The following TSPAN15 variants were observed in gnomAD, a reference collection of about 807,000 sequenced individuals.
The protein encoded by TSPAN15 is tetraspanin 15, also known as tetraspanin-15.
A neutral mutation model predicts 34.5 loss-of-function variants in TSPAN15; 20 were observed. The ratio of observed to expected loss-of-function variants is 0.58; its 90% CI spans 0.41 to 0.84. TSPAN15 has a LOEUF of 0.84. Among genes scored for constraint, TSPAN15 ranks in the 40% least tolerant of loss-of-function variants. TSPAN15 has a pLI of 0.00. For synonymous variants in TSPAN15, 155 were observed against 153.9 expected, an observed-to-expected ratio of 1.01 and a Z score of -0.05; for missense variants, 313 against 386.1, an observed-to-expected ratio of 0.81 and a Z score of 1.59.
chr10:69,476,178 C>T (rs1040527296), intron 1 of TSPAN15, among the ~76,000 whole-genome samples: 2 of 151,756 alleles, frequency 1.3e-5, no homozygotes, highest in African/African-American at 4.8e-5. Flanking sequence ...CTGAAGAAGA[C>T]AGGAAGAAGA....
At chr10:69,545,721 C>T in the TSPAN15 span, among the ~76,000 whole-genome samples, 13 of 152,126 alleles carry the variant, frequency 8.5e-5, no homozygotes, top group African/African-American at 1.9e-4. Flanking sequence ...CTTTGGGAGG[C>T]GGAGGCAGGC....
chr10:69,467,453 A>T (rs111348876), intron 1 of TSPAN15, among the ~76,000 whole-genome samples: 21 of 152,278 alleles, frequency 1.4e-4, no homozygotes, highest in African/African-American at 5.1e-4. Context: ...TGTAGTAAAC[A>T]AACCTCTTCC....
intron 1 of TSPAN15, among the ~76,000 whole-genome samples, chr10:69,457,719 G>A (rs182672475): frequency 5.1e-4 from 77 of 152,298 alleles, no homozygotes; most frequent in Admixed American, 2.5e-3. Flanking sequence ...GGTTGCCTGG[G>A]TTCAAATCCC....
chr10:69,498,193 C>T (rs765232652), intron 4 of TSPAN15, 87 bp from the exon 5 acceptor site: 6 of 1,206,106 alleles, frequency 5.0e-6, no homozygotes, highest in Non-Finnish European at 7.4e-6. Flanking sequence ...AATAAACTGC[C>T]TCCGTCTCCT....
At position 69,472,762 on chromosome 10, in the gene TSPAN15, G is replaced by A. The variant is rs556556883; in HGVS notation, c.97-10929G>A. ...CCTGCCGGGTCCCAGGAGCTTTTGC[G>A]TGGCATCTGGCTTCAGGATATTGTG... On this transcript the variant is annotated intron_variant, in intron 1 of 7. Transcript: ENST00000373290. Among the ~76,000 whole-genome samples the A allele has an allele frequency of 8.1e-4, 123 of 152,348 alleles. 2 individuals are homozygous for A. The highest frequency in any genetic ancestry group is 3.4e-3 in the Middle Eastern group (1 of 292).
the TSPAN15 span, among the ~76,000 whole-genome samples, chr10:69,531,831 A>C: frequency 2.6e-5 from 4 of 152,136 alleles, no homozygotes; most frequent in African/African-American, 9.7e-5. Flanking sequence ...AAACTCAGCA[A>C]AACTGGCATA....
At chr10:69,459,231 CTGGT>C (rs1303151155) in intron 1 of TSPAN15, among the ~76,000 whole-genome samples, 3 of 151,854 alleles carry the variant, frequency 2.0e-5, no homozygotes, top group Non-Finnish European at 4.4e-5. Context: ...GCCGTGCTCT[CTGGT>C]TGGTTGGTTT....
At chr10:69,538,568 T>C in the TSPAN15 span, among the ~76,000 whole-genome samples, 3,380 of 152,224 alleles carry the variant, frequency 0.022, 130 homozygotes, top group African/African-American at 0.075. Context: ...GTCACAGGAG[T>C]GTGGGACTCC....
chr10:69,548,487 A>G, the TSPAN15 span, among the ~76,000 whole-genome samples: 1 of 152,244 alleles, frequency 6.6e-6, no homozygotes, highest in African/African-American at 2.4e-5. Flanking sequence ...TTTTCAGACA[A>G]TGGACTGTGA....
intron 3 of TSPAN15, chr10:69,494,929 G>C: frequency 1.1e-6 from 1 of 937,118 alleles, no homozygotes; most frequent in Non-Finnish European, 1.3e-6. Context: ...AAAGCGCAGC[G>C]TGACTGGGAG....
chr10:69,518,977 G>A, the TSPAN15 span, among the ~76,000 whole-genome samples: 1 of 152,230 alleles, frequency 6.6e-6, no homozygotes, highest in Non-Finnish European at 1.5e-5. Flanking sequence ...GAGGGTGTCT[G>A]TTGCAGCACT....
chr10:69,451,593 G>C lies in TSPAN15; in HGVS notation c.-2G>C. ...CCGTAACCCGCGCGGGGAGCGCCCA[G>C]GATGCCGCGCGGGGACTCGGAGCAG... On this transcript the variant is annotated 5_prime_UTR_variant, in exon 1 of 8. Coordinates refer to ENST00000373290, the MANE Select transcript of TSPAN15 (RefSeq NM_012339.5). The C allele has an allele frequency of 6.7e-7, 1 of 1,491,096 alleles. No individual in the cohort carries two copies. Among genetic ancestry groups the C allele is most frequent in the Non-Finnish European group, 8.9e-7 (1 of 1,117,464 alleles). The allele number at this position is 1,491,096 out of a possible 1,614,324, so 92.4% of individuals were successfully genotyped here. A position where few individuals can be genotyped will look rare whatever the true frequency, so the allele number is the denominator to read the frequency against.
downstream of TSPAN15, among the ~76,000 whole-genome samples, chr10:69,507,844 G>A (rs542733538): frequency 6.6e-6 from 1 of 151,326 alleles, no homozygotes; most frequent in Middle Eastern, 3.4e-3. Flanking sequence ...AGGTGACCAC[G>A]CCTATTTTAC....
At chr10:69,470,436 A>T (rs528750066) in intron 1 of TSPAN15, among the ~76,000 whole-genome samples, 25 of 152,228 alleles carry the variant, frequency 1.6e-4, no homozygotes, top group African/African-American at 5.5e-4. Context: ...AAATTATTTC[A>T]ATTATTTCCC....
At chr10:69,501,865 C>G (rs967456176) in intron 5 of TSPAN15, among the ~76,000 whole-genome samples, 1 of 152,100 alleles carries the variant, frequency 6.6e-6, no homozygotes, top group African/African-American at 2.4e-5. Context: ...GAGTGTGAAC[C>G]CTATTGTAAA....
chr10:69,485,243 A>G (rs754175006), intron 3 of TSPAN15, 28 bp downstream of exon 3: 1 of 1,608,582 alleles, frequency 6.2e-7, no homozygotes, highest in South Asian at 1.1e-5. Flanking sequence ...TGTATCGGCC[A>G]TGTGTGTATG....
At chr10:69,460,428 C>T (rs564536715) in intron 1 of TSPAN15, among the ~76,000 whole-genome samples, 12 of 152,270 alleles carry the variant, frequency 7.9e-5, no homozygotes, top group South Asian at 2.1e-4. Context: ...TGTAGACTTA[C>T]GATGTCACCT....
At chr10:69,504,950 AGT>A (rs942930945) in intron 6 of TSPAN15, among the ~76,000 whole-genome samples, 3 of 152,178 alleles carry the variant, frequency 2.0e-5, no homozygotes, top group Non-Finnish European at 4.4e-5. Context: ...TAAAAGGAAT[AGT>A]GACCTGACAT....
intron 1 of TSPAN15, among the ~76,000 whole-genome samples, chr10:69,478,354 C>G (rs1467327563): frequency 1.3e-5 from 2 of 152,184 alleles, no homozygotes; most frequent in Admixed American, 6.5e-5. Flanking sequence ...CTTCCCCACC[C>G]CCTTTCAAGC....
Sources: allele counts gnomAD v4.1 joint callset (sites outside exome capture counted in the v4.1 genomes callset), GRCh38; gene constraint gnomAD v4.1.1; transcripts MANE v1.5; gene names NCBI Gene and HGNC (gene_info 2026-07-23, HGNC 2026-07-21).